FOXP1: variants seen among roughly 807,000 people sequenced by gnomAD.
FOXP1 encodes the protein forkhead box protein P1.
A neutral mutation model predicts 98.2 loss-of-function variants in FOXP1; 15 were observed. That is an observed-to-expected ratio of 0.15 (90% CI 0.10 to 0.24). The LOEUF is 0.24. Among genes scored for constraint, FOXP1 ranks in the 10% least tolerant of loss-of-function variants. The pLI, the probability that FOXP1 is intolerant of heterozygous loss-of-function variation, is 1.00. For synonymous variants in FOXP1, 371 were observed against 314.5 expected (o/e 1.18, Z -1.90); for missense variants, 633 against 848.5 (o/e 0.75, Z 3.15).
intron 7 of FOXP1, among the ~76,000 whole-genome samples, chr3:71,062,387 G>A (rs548087595): frequency 1.5e-4 from 23 of 152,064 alleles, no homozygotes; most frequent in Non-Finnish European, 3.2e-4. Flanking sequence ...GTTAATCCGC[G>A]TTTCTATGGC....
At position 71,174,819 on chromosome 3, in the gene FOXP1, C is replaced by CACACACAT. The variant is rs1553767981; in HGVS notation, c.180+23382_180+23383insATGTGTGT. 4.3e-3 allele frequency among the ~76,000 whole-genome samples: 655 copies of CACACACAT among 151,302 alleles called. 2 individuals carry two copies. Among genetic ancestry groups the CACACACAT allele is most frequent in the African/African-American group, 0.015 (616 of 40,914 alleles). Reference sequence around the variant, plus strand: ...ACACACACACACACACACACACACACACACACACCCCAATATACCCCAGGG... The same window carrying CACACACAT: ...ACACACACACACACACACACACACACACACACATACACACACCCCAATATACCCCAGGG... On this transcript the variant is annotated intron_variant, in intron 6 of 20. Transcript: ENST00000649528.
intron 3 of FOXP1, among the ~76,000 whole-genome samples, chr3:71,470,274 A>G (rs2089202137): frequency 6.6e-6 from 1 of 152,196 alleles, no homozygotes; most frequent in East Asian, 1.9e-4. Flanking sequence ...GAATAATAAC[A>G]GTATCTACCA....
chr3:71,311,986 C>A (rs2074719380), intron 4 of FOXP1, among the ~76,000 whole-genome samples: 2 of 152,188 alleles, frequency 1.3e-5, no homozygotes, highest in South Asian at 4.1e-4. Flanking sequence ...CCATTAGAAA[C>A]ACATTTAGAA....
intron 3 of FOXP1, among the ~76,000 whole-genome samples, chr3:71,395,713 A>C (rs1051128264): frequency 3.9e-5 from 6 of 152,174 alleles, no homozygotes; most frequent in Admixed American, 3.3e-4. Flanking sequence ...CAGTACGTAC[A>C]ACACTGCCTG....
chr3:71,054,492 T>A (rs1195537498), intron 7 of FOXP1, among the ~76,000 whole-genome samples: 1 of 152,232 alleles, frequency 6.6e-6, no homozygotes. Flanking sequence ...CTGCACACTG[T>A]ATCTGAAAGG....
At position 70,978,040 on chromosome 3, in the gene FOXP1, A is replaced by AAAAAC. The variant is rs759865822; in HGVS notation, c.1147-16_1147-12dup. The AAAAAC allele has an allele frequency of 6.2e-7, 1 of 1,613,046 alleles. No homozygotes were observed. Among genetic ancestry groups the AAAAAC allele is most frequent in the Non-Finnish European group, 8.5e-7 (1 of 1,179,122 alleles). ...TGATACCAGATTCAACTGCAAGGAAAAAAACAACGTCTTAGAAGACCTTCA... is the reference window on the plus strand; with the variant it reads ...TGATACCAGATTCAACTGCAAGGAAAAAAACAAAACAACGTCTTAGAAGACCTTCA... On this transcript the variant is annotated splice_polypyrimidine_tract_variant and intron_variant, in intron 14 of 20. Transcript: ENST00000649528.
intron 20 of FOXP1, among the ~76,000 whole-genome samples, chr3:70,965,250 C>T (rs2106992846): frequency 2.0e-5 from 3 of 152,346 alleles, no homozygotes; most frequent in Middle Eastern, 6.8e-3. Flanking sequence ...GTCTCCTGGC[C>T]TCCGCCTTTC....
In FOXP1 at chr3:70,959,196, T is replaced by C. The variant is rs746415577; in HGVS notation, c.*51A>G. 6.9e-6 allele frequency: 11 copies of C among 1,602,978 alleles called. No individual in the cohort carries two copies. The highest frequency in any genetic ancestry group is 8.5e-6 in the Non-Finnish European group (10 of 1,172,040). On this transcript the variant is annotated 3_prime_UTR_variant, in exon 21 of 21. Transcript: ENST00000649528. Reference sequence around the variant, plus strand: ...CACTGCTAACTTTTGACGTGTTTTTTTTTTTTTCCTTTTTCCAATCTTCAT... The same window carrying C: ...CACTGCTAACTTTTGACGTGTTTTTCTTTTTTTCCTTTTTCCAATCTTCAT...
chr3:71,236,300 A>G (rs1019985432), intron 5 of FOXP1, among the ~76,000 whole-genome samples: 1 of 152,194 alleles, frequency 6.6e-6, no homozygotes, highest in African/African-American at 2.4e-5. Context: ...AGTGTTTCCC[A>G]TGTAGAAATA....
At position 70,977,624 on chromosome 3, in the gene FOXP1, T is replaced by A. The variant is rs1471285411; in HGVS notation, c.1428+19A>T. 6.3e-7 allele frequency: 1 copy of A among 1,577,326 alleles called. No homozygotes were observed. Among genetic ancestry groups the A allele is most frequent in the South Asian group, 1.1e-5 (1 of 90,364 alleles). On this transcript the variant is annotated intron_variant, in intron 16 of 20. Coordinates refer to ENST00000649528, the MANE Select transcript of FOXP1 (RefSeq NM_001349338.3). ...ATATACCTTCTGACAGAATTTCATA[T>A]ACTGTGTTATTTACTTACCTGCCTA...
intron 3 of FOXP1, among the ~76,000 whole-genome samples, chr3:71,479,873 C>T (rs1429728010): frequency 1.3e-5 from 2 of 152,060 alleles, no homozygotes; most frequent in Non-Finnish European, 2.9e-5. Flanking sequence ...CTTTACCCTA[C>T]CACTGCTTTC....
intron 6 of FOXP1, among the ~76,000 whole-genome samples, chr3:71,134,229 T>C: frequency 6.6e-6 from 1 of 152,194 alleles, no homozygotes; most frequent in East Asian, 1.9e-4. Context: ...CCAAAATAAT[T>C]ATTCAAAAAC....
chr3:71,167,743 C>G (rs1045774491), intron 6 of FOXP1, among the ~76,000 whole-genome samples: 1 of 152,304 alleles, frequency 6.6e-6, no homozygotes, highest in South Asian at 2.1e-4. Context: ...ATTCTACCTT[C>G]CTCTTGCATT....
chr3:71,161,083 C>T (rs2061109821), intron 6 of FOXP1, among the ~76,000 whole-genome samples: 1 of 152,164 alleles, frequency 6.6e-6, no homozygotes, highest in Non-Finnish European at 1.5e-5. Flanking sequence ...CTGAGTCACA[C>T]GTGCCTGACA....
intron 4 of FOXP1, among the ~76,000 whole-genome samples, chr3:71,319,240 A>G (rs2075260099): frequency 6.6e-6 from 1 of 152,086 alleles, no homozygotes; most frequent in Non-Finnish European, 1.5e-5. Flanking sequence ...GACTCTCTTT[A>G]CACCAAAAGC....
In FOXP1 at chr3:70,955,004, C is replaced by T. The variant is rs1203870778; in HGVS notation, c.*4243G>A. 3 of 232,408 alleles carry T rather than the reference C, an allele frequency of 1.3e-5. No homozygotes were observed. The highest frequency in any genetic ancestry group is 2.2e-5 in the African/African-American group (1 of 45,298). The allele number at this position is 232,408 out of a possible 1,614,324, so 14.4% of individuals were successfully genotyped here. On this transcript the variant is annotated 3_prime_UTR_variant, in exon 21 of 21. Coordinates refer to ENST00000649528, the MANE Select transcript of FOXP1 (RefSeq NM_001349338.3). The stretch of plus-strand genomic sequence containing the variant: ...GGTAGCAGAGATTGCGTGAGCTACA[C>T]TGGGCCCAAGAAATGCCTTCAGCAT...
chr3:71,055,704 T>C (rs1486298875), intron 7 of FOXP1, among the ~76,000 whole-genome samples: 3 of 152,224 alleles, frequency 2.0e-5, no homozygotes, highest in East Asian at 3.8e-4. Context: ...TGGGTGCCAA[T>C]CGGTATCCTT....
chr3:71,048,734 G>T lies in FOXP1; in HGVS notation c.511-1639C>A, dbSNP rs151314793. The stretch of plus-strand genomic sequence containing the variant: ...TTAACTCACAACATTACAAAAAAAA[G>T]GGAAGAGAAAAAAACAACATTGACA... On this transcript the variant is annotated intron_variant, in intron 9 of 20. Coordinates refer to ENST00000649528, the MANE Select transcript of FOXP1 (RefSeq NM_001349338.3). Among the ~76,000 whole-genome samples the T allele has an allele frequency of 4.9e-3, 728 of 149,140 alleles. 8 individuals carry two copies. The highest frequency in any genetic ancestry group is 0.017 in the African/African-American group (681 of 40,466).
intron 3 of FOXP1, among the ~76,000 whole-genome samples, chr3:71,404,431 T>TG (rs1335172996): frequency 6.6e-6 from 1 of 152,092 alleles, no homozygotes; most frequent in Non-Finnish European, 1.5e-5. Context: ...CGGCCTGTAT[T>TG]GGGTTATTTC....
Sources: gnomAD v4.1 joint callset for allele counts (sites outside exome capture counted in the v4.1 genomes callset) on GRCh38, gnomAD v4.1.1 for gene constraint, MANE v1.5 for transcripts, NCBI Gene and HGNC (gene_info 2026-07-23, HGNC 2026-07-21) for gene names.